The following TMTC1 variants were observed in gnomAD, a reference collection of about 807,000 sequenced individuals.
The protein encoded by TMTC1 is protein O-mannosyl-transferase TMTC1.
A neutral mutation model predicts 104.8 loss-of-function variants in TMTC1; 73 were observed. The observed-to-expected ratio is 0.70, with a 90% CI of 0.58 to 0.85. The LOEUF is 0.85. Ranked by LOEUF, TMTC1 falls within the 40% of genes least tolerant of loss-of-function variation. TMTC1 has a pLI of 0.00. For missense variants in TMTC1, 1,035 were observed against 1,096.1 expected, an observed-to-expected ratio of 0.94 and a Z score of 0.79; for synonymous variants, 434 against 428.7, an observed-to-expected ratio of 1.01 and a Z score of -0.15.
At chr12:29,559,117 C>T (rs920102528) in intron 9 of TMTC1, among the ~76,000 whole-genome samples, 1 of 152,190 alleles carries the variant, frequency 6.6e-6, no homozygotes, top group South Asian at 2.1e-4. Flanking sequence ...TAACAGAAAG[C>T]TTATCTGGGA....
chr12:29,767,350 C>T (rs1415947913), intron 2 of TMTC1, among the ~76,000 whole-genome samples: 1 of 152,206 alleles, frequency 6.6e-6, no homozygotes, highest in African/African-American at 2.4e-5. Flanking sequence ...GTCTGTCTTT[C>T]TAACTTGAAG....
At chr12:29,691,319 T>C (rs1198064635) in intron 5 of TMTC1, among the ~76,000 whole-genome samples, 1 of 151,984 alleles carries the variant, frequency 6.6e-6, no homozygotes, top group African/African-American at 2.4e-5. Context: ...CAAGAGAAAT[T>C]CACTTCGACT....
At chr12:29,628,335 G>C (rs1938112993) in intron 6 of TMTC1, among the ~76,000 whole-genome samples, 3 of 152,048 alleles carry the variant, frequency 2.0e-5, no homozygotes, top group Admixed American at 6.5e-5. Flanking sequence ...TCAAGAATAT[G>C]GTGTTAAGTG....
chr12:29,586,101 C>T (rs1391283590), intron 7 of TMTC1, among the ~76,000 whole-genome samples: 2 of 151,882 alleles, frequency 1.3e-5, no homozygotes, highest in Admixed American at 1.3e-4. Context: ...TCTTTGTATC[C>T]TCTTTTATTT....
intron 5 of TMTC1, among the ~76,000 whole-genome samples, chr12:29,691,720 G>GAAAAAAAAAA: frequency 9.1e-6 from 1 of 109,462 alleles, no homozygotes; most frequent in Non-Finnish European, 1.9e-5. Context: ...CCAAAAGTAG[G>GAAAAAAAAAA]AAAAAAAAAA....
chr12:29,528,733 T>G (rs1225601283), intron 11 of TMTC1, among the ~76,000 whole-genome samples: 1 of 152,186 alleles, frequency 6.6e-6, no homozygotes, highest in African/African-American at 2.4e-5. Context: ...AATTTTAGAA[T>G]GCCTTTGAAC....
At position 29,536,264 on chromosome 12, in the gene TMTC1, T is replaced by C. The variant is rs1592192157; in HGVS notation, c.1730A>G (p.Tyr577Cys). The C allele has an allele frequency of 6.2e-7, 1 of 1,613,168 alleles. No individual in the cohort carries two copies. Among genetic ancestry groups the C allele is most frequent in the Non-Finnish European group, 8.5e-7 (1 of 1,179,636 alleles). Residue 577 changes from tyrosine (Y) to cysteine (C), a missense_variant, in exon 11 of 18, where the codon TAT (tyrosine) becomes TGT (cysteine). Coordinates refer to ENST00000539277, the MANE Select transcript of TMTC1 (RefSeq NM_001193451.2). ...AITLLKDSIK[Y>C]GPEFADAYSS... ...ATATGCATCTGCAAACTCTGGACCA[T>C]ATTTGATGGAATCCTTCAGTAAGGT... is the stretch of plus-strand genomic sequence containing the variant.
intron 5 of TMTC1, chr12:29,659,761 C>T: frequency 1.5e-6 from 1 of 681,606 alleles, no homozygotes; most frequent in Non-Finnish European, 2.4e-6. Context: ...TGTATAGTTT[C>T]TTTTCTCCCC....
At chr12:29,645,671 G>C (rs904510105) in intron 5 of TMTC1, among the ~76,000 whole-genome samples, 4 of 152,122 alleles carry the variant, frequency 2.6e-5, no homozygotes, top group African/African-American at 9.7e-5. Context: ...CGCTATAAAG[G>C]ATTTAACATG....
At chr12:29,666,701 T>C (rs1195348007) in intron 5 of TMTC1, among the ~76,000 whole-genome samples, 1 of 152,176 alleles carries the variant, frequency 6.6e-6, no homozygotes, top group African/African-American at 2.4e-5. Flanking sequence ...ATGATTTCAA[T>C]GAAGATATGA....
chr12:29,674,171 A>C (rs1169169510), intron 5 of TMTC1, among the ~76,000 whole-genome samples: 1 of 152,276 alleles, frequency 6.6e-6, no homozygotes, highest in East Asian at 1.9e-4. Flanking sequence ...GGGGTCACAG[A>C]GATCTGGGTT....
At chr12:29,718,631 T>C (rs952248591) in intron 5 of TMTC1, among the ~76,000 whole-genome samples, 1 of 152,084 alleles carries the variant, frequency 6.6e-6, no homozygotes, top group Admixed American at 6.6e-5. Flanking sequence ...CACAATCAAT[T>C]ATATTGAGAG....
chr12:29,676,504 A>G (rs528421772), intron 5 of TMTC1, among the ~76,000 whole-genome samples: 178 of 152,342 alleles, frequency 1.2e-3, no homozygotes, highest in African/African-American at 4.2e-3. Flanking sequence ...GGAGAGAATC[A>G]AACTCCAGAG....
chr12:29,613,596 C>T (rs1362483449), intron 6 of TMTC1, among the ~76,000 whole-genome samples: 1 of 152,108 alleles, frequency 6.6e-6, no homozygotes, highest in African/African-American at 2.4e-5. Flanking sequence ...CATTTTATTC[C>T]CTCTCTAAGG....
At chr12:29,671,700 C>T (rs1940525039) in intron 5 of TMTC1, among the ~76,000 whole-genome samples, 1 of 152,224 alleles carries the variant, frequency 6.6e-6, no homozygotes, top group South Asian at 2.1e-4. Flanking sequence ...TGAATGTATG[C>T]ATTCTGGTCC....
chr12:29,517,674 C>T, intron 13 of TMTC1, 103 bp from the exon 14 acceptor site: 1 of 1,323,884 alleles, frequency 7.6e-7, no homozygotes, highest in Non-Finnish European at 1.1e-6. Context: ...TGAACCTCTG[C>T]TCCAATACGG....
intron 5 of TMTC1, among the ~76,000 whole-genome samples, chr12:29,734,122 C>T (rs78617359): frequency 0.071 from 10,797 of 152,254 alleles, 622 homozygotes; most frequent in East Asian, 0.26. Flanking sequence ...TGTTGGCACA[C>T]TGCTTTCCCA....
intron 10 of TMTC1, among the ~76,000 whole-genome samples, chr12:29,554,392 C>A (rs550624052): frequency 6.6e-6 from 1 of 151,494 alleles, no homozygotes; most frequent in South Asian, 2.1e-4. Flanking sequence ...GTTTTAATAT[C>A]ACTGTTAGTA....
chr12:29,552,213 A>T (rs1002986503), intron 10 of TMTC1, among the ~76,000 whole-genome samples: 1 of 152,130 alleles, frequency 6.6e-6, no homozygotes, highest in Non-Finnish European at 1.5e-5. Flanking sequence ...CACTTGAAAT[A>T]TGGCTGTCCT....
Sources: allele counts gnomAD v4.1 joint callset (sites outside exome capture counted in the v4.1 genomes callset), GRCh38; gene constraint gnomAD v4.1.1; transcripts MANE v1.5; gene names NCBI Gene and HGNC (gene_info 2026-07-23, HGNC 2026-07-21).